The following IMMP2L variants were observed in gnomAD, a reference collection of about 807,000 sequenced individuals.
IMMP2L encodes the protein mitochondrial inner membrane protease subunit 2.
Under a neutral mutation model 19.3 loss-of-function variants are expected in IMMP2L, and 18 were observed. The ratio of observed to expected loss-of-function variants is 0.93; its 90% CI spans 0.64 to 1.38. The LOEUF is 1.38. IMMP2L is among the 40% of genes most tolerant of loss of function. The pLI, the probability that IMMP2L is intolerant of heterozygous loss-of-function variation, is 0.00. For synonymous variants in IMMP2L, 76 were observed against 73.0 expected (o/e 1.04, Z -0.21); for missense variants, 233 against 218.2 (o/e 1.07, Z -0.43).
chr7:111,323,024 ACTCT>A (rs1254048674), intron 3 of IMMP2L, among the ~76,000 whole-genome samples: 1 of 151,854 alleles, frequency 6.6e-6, no homozygotes, highest in Non-Finnish European at 1.5e-5. Context: ...ACTGTAATAA[ACTCT>A]CTTTCTTCAA....
intron 3 of IMMP2L, among the ~76,000 whole-genome samples, chr7:111,080,623 T>A (rs1563220978): frequency 6.6e-6 from 1 of 152,176 alleles, no homozygotes. Context: ...GCTAATTGTC[T>A]AAGACAGTTA....
chr7:110,838,413 TC>T (rs900190849), intron 5 of IMMP2L, among the ~76,000 whole-genome samples: 1 of 152,258 alleles, frequency 6.6e-6, no homozygotes, highest in South Asian at 2.1e-4. Context: ...TTGAATGTGT[TC>T]CCCGAATTTC....
chr7:111,169,085 AT>A (rs2129608612), intron 3 of IMMP2L, among the ~76,000 whole-genome samples: 1 of 152,066 alleles, frequency 6.6e-6, no homozygotes, highest in East Asian at 1.9e-4. Flanking sequence ...AAAAACAGCA[AT>A]CATGTAGTTT....
chr7:111,125,617 T>C (rs1801211041), intron 3 of IMMP2L, among the ~76,000 whole-genome samples: 1 of 152,148 alleles, frequency 6.6e-6, no homozygotes, highest in Admixed American at 6.6e-5. Context: ...TAATCAATAT[T>C]AAATAGCAAT....
intron 3 of IMMP2L, among the ~76,000 whole-genome samples, chr7:111,117,782 A>G (rs923185119): frequency 6.6e-6 from 1 of 152,098 alleles, no homozygotes; most frequent in African/African-American, 2.4e-5. Context: ...GCTATAGAAG[A>G]AAAGGAAAAA....
chr7:110,699,365 G>A (rs372479070), intron 5 of IMMP2L, among the ~76,000 whole-genome samples: 8 of 152,206 alleles, frequency 5.3e-5, no homozygotes, highest in African/African-American at 1.7e-4. Flanking sequence ...CTTGCTCGGT[G>A]TGGTTGAAGG....
intron 3 of IMMP2L, among the ~76,000 whole-genome samples, chr7:110,989,938 T>C (rs551787057): frequency 2.6e-5 from 4 of 152,116 alleles, no homozygotes; most frequent in Non-Finnish European, 5.9e-5. Flanking sequence ...TTAAGCTATG[T>C]AAACAAAAAC....
At chr7:111,324,722 T>A (rs1261670560) in intron 3 of IMMP2L, among the ~76,000 whole-genome samples, 1 of 151,864 alleles carries the variant, frequency 6.6e-6, no homozygotes, top group Non-Finnish European at 1.5e-5. Flanking sequence ...AAATAAATAT[T>A]CAATATCAAC....
chr7:110,746,344 C>G (rs946696415), intron 5 of IMMP2L, among the ~76,000 whole-genome samples: 2 of 152,066 alleles, frequency 1.3e-5, no homozygotes, highest in Non-Finnish European at 2.9e-5. Flanking sequence ...TTAGACAGAT[C>G]CATGAGACAG....
chr7:110,848,991 G>C (rs1805938276), intron 5 of IMMP2L, among the ~76,000 whole-genome samples: 1 of 152,070 alleles, frequency 6.6e-6, no homozygotes, highest in African/African-American at 2.4e-5. Flanking sequence ...ACCACAATGA[G>C]GGATATATGT....
intron 3 of IMMP2L, among the ~76,000 whole-genome samples, chr7:111,174,546 C>A (rs1806822351): frequency 6.6e-6 from 1 of 151,644 alleles, no homozygotes; most frequent in Non-Finnish European, 1.5e-5. Flanking sequence ...AAATATACAG[C>A]CTAAATCTTC....
At chr7:111,516,369 G>T (rs1845868337) in intron 2 of IMMP2L, among the ~76,000 whole-genome samples, 1 of 151,744 alleles carries the variant, frequency 6.6e-6, no homozygotes, top group Non-Finnish European at 1.5e-5. Context: ...AGAGGAGGGG[G>T]AGGAGGAGGA....
At chr7:111,260,763 T>C (rs1266015553) in intron 3 of IMMP2L, among the ~76,000 whole-genome samples, 1 of 152,068 alleles carries the variant, frequency 6.6e-6, no homozygotes, top group Admixed American at 6.6e-5. Flanking sequence ...TCGAAACAGG[T>C]ATTAAAAATT....
chr7:110,845,908 A>G (rs1340683638), intron 5 of IMMP2L, among the ~76,000 whole-genome samples: 2 of 152,120 alleles, frequency 1.3e-5, no homozygotes, highest in African/African-American at 2.4e-5. Context: ...TGAGGATAGA[A>G]AAAAGGTGCC....
intron 3 of IMMP2L, among the ~76,000 whole-genome samples, chr7:111,196,329 C>T (rs1262669148): frequency 6.6e-6 from 1 of 152,118 alleles, no homozygotes; most frequent in Admixed American, 6.5e-5. Context: ...AGCTAAAGTT[C>T]AGATCGGGTC....
intron 3 of IMMP2L, among the ~76,000 whole-genome samples, chr7:111,267,644 T>C (rs1817972272): frequency 6.6e-6 from 1 of 152,208 alleles, no homozygotes; most frequent in African/African-American, 2.4e-5. Flanking sequence ...CCTTGAATTA[T>C]CTTTTGACCC....
chr7:111,321,710 G>A (rs887474194), intron 3 of IMMP2L, among the ~76,000 whole-genome samples: 4 of 151,876 alleles, frequency 2.6e-5, no homozygotes, highest in Admixed American at 6.6e-5. Flanking sequence ...ACACTTGAAT[G>A]TGGTTTCAAT....
At chr7:111,424,364 C>T (rs1290366214) in intron 3 of IMMP2L, among the ~76,000 whole-genome samples, 1 of 151,698 alleles carries the variant, frequency 6.6e-6, no homozygotes, top group Admixed American at 6.6e-5. Context: ...ATTCTTAAAA[C>T]CCATCCGTTA....
At chr7:111,501,791 C>T (rs1844292008) in intron 2 of IMMP2L, among the ~76,000 whole-genome samples, 1 of 152,082 alleles carries the variant, frequency 6.6e-6, no homozygotes, top group Non-Finnish European at 1.5e-5. Flanking sequence ...TCTGTCACCA[C>T]CAGGCCTGCC....
Sources: gnomAD v4.1 joint callset for allele counts (sites outside exome capture counted in the v4.1 genomes callset) on GRCh38, gnomAD v4.1.1 for gene constraint, MANE v1.5 for transcripts, NCBI Gene and HGNC (gene_info 2026-07-23, HGNC 2026-07-21) for gene names.